The following TBX19 variants were observed in gnomAD, a reference collection of about 807,000 sequenced individuals.
The protein encoded by TBX19 is T-box transcription factor 19, also known as T-box transcription factor TBX19.
In TBX19, 33 loss-of-function variants were observed where a neutral mutation model predicts 40.9. The ratio of observed to expected loss-of-function variants is 0.81; its 90% CI spans 0.61 to 1.08. TBX19 has a LOEUF of 1.08. TBX19 is among the 50% of genes least tolerant of loss of function. TBX19 has a pLI of 0.00. For missense variants in TBX19, 494 were observed against 574.0 expected (o/e 0.86, Z 1.42); for synonymous variants, 220 against 225.0 (o/e 0.98, Z 0.20).
intron 7 of TBX19, among the ~76,000 whole-genome samples, chr1:168,310,741 TTA>T (rs1649500654): frequency 7.0e-6 from 1 of 143,348 alleles, no homozygotes; most frequent in African/African-American, 2.7e-5. Context: ...TAATATAGAC[TTA>T]TATATAAAAT....
At chr1:168,292,558 T>C (rs1648967615) in intron 2 of TBX19, among the ~76,000 whole-genome samples, 1 of 152,176 alleles carries the variant, frequency 6.6e-6, no homozygotes, top group Admixed American at 6.5e-5. Context: ...GGCAGAAAAC[T>C]GAACACTCTT....
intron 5 of TBX19, among the ~76,000 whole-genome samples, chr1:168,304,439 A>G (rs887251494): frequency 1.3e-5 from 2 of 152,150 alleles, no homozygotes; most frequent in Non-Finnish European, 2.9e-5. Context: ...AAAAACCTGA[A>G]AAGATATCTC....
At chr1:168,295,040 C>T (rs1649066887) in intron 3 of TBX19, among the ~76,000 whole-genome samples, 1 of 152,112 alleles carries the variant, frequency 6.6e-6, no homozygotes, top group African/African-American at 2.4e-5. Context: ...CGTCTCTAAT[C>T]CCAGCACTTT....
At chr1:168,283,806 A>T (rs1321737398) in intron 1 of TBX19, among the ~76,000 whole-genome samples, 1 of 152,102 alleles carries the variant, frequency 6.6e-6, no homozygotes. Flanking sequence ...TGACATTGTC[A>T]CCTTGACTTT....
intron 1 of TBX19, among the ~76,000 whole-genome samples, chr1:168,288,565 A>AGT (rs1648859501): frequency 6.6e-6 from 1 of 152,212 alleles, no homozygotes. Context: ...TCTCGCCTTA[A>AGT]GTCATTTCTT....
intron 1 of TBX19, among the ~76,000 whole-genome samples, chr1:168,281,874 T>C (rs1648661682): frequency 6.6e-6 from 1 of 152,200 alleles, no homozygotes; most frequent in Non-Finnish European, 1.5e-5. Context: ...TAATAGTGGA[T>C]GAAAACATAT....
intron 1 of TBX19, among the ~76,000 whole-genome samples, chr1:168,284,945 G>A (rs990192826): frequency 6.6e-6 from 1 of 151,878 alleles, no homozygotes; most frequent in African/African-American, 2.4e-5. Flanking sequence ...GATGATTAAG[G>A]GGTATTGGTG....
chr1:168,286,207 A>G (rs769565351), intron 1 of TBX19, among the ~76,000 whole-genome samples: 2 of 152,258 alleles, frequency 1.3e-5, no homozygotes, highest in Non-Finnish European at 2.9e-5. Flanking sequence ...AAGAGACAAG[A>G]CACTGTGACT....
intron 4 of TBX19, among the ~76,000 whole-genome samples, chr1:168,299,210 G>A (rs983983000): frequency 6.6e-6 from 1 of 151,872 alleles, no homozygotes; most frequent in African/African-American, 2.4e-5. Context: ...TTGAGCCACC[G>A]TGCCCAGACT....
At chr1:168,301,345 C>G (rs186310086) in intron 5 of TBX19, among the ~76,000 whole-genome samples, 198 of 152,224 alleles carry the variant, frequency 1.3e-3, no homozygotes, top group African/African-American at 4.5e-3. Flanking sequence ...TCACTGCAAC[C>G]TCCGCCTCCC....
At chr1:168,281,482 G>T (rs570695504) in intron 1 of TBX19, among the ~76,000 whole-genome samples, 189 bp downstream of exon 1, 2 of 152,232 alleles carry the variant, frequency 1.3e-5, no homozygotes, top group Non-Finnish European at 2.9e-5. Context: ...ATCATCAGAG[G>T]ATGAAGCCAC....
chr1:168,301,728 TA>T (rs1057245418), intron 5 of TBX19, among the ~76,000 whole-genome samples: 15 of 152,326 alleles, frequency 9.8e-5, no homozygotes, highest in Admixed American at 9.8e-4. Flanking sequence ...AGTGGATTTT[TA>T]AAGGGAAAAA....
In TBX19 at chr1:168,313,647, T is replaced by G. The variant is rs917114874; in HGVS notation, c.*645T>G. 67 of 154,170 alleles carry G rather than the reference T, an allele frequency of 4.3e-4. No homozygotes were observed. The highest frequency in any genetic ancestry group is 1.5e-3 in the African/African-American group (63 of 41,582). 9.6% of individuals were successfully genotyped at this position (154,170 alleles called of 1,614,324 possible). ...CCTCACTATAACTGGGTGTGGTAGT[T>G]TAAGCCTATAATCTCAGCCCTTTTG... is the stretch of plus-strand genomic sequence containing the variant. On this transcript the variant is annotated 3_prime_UTR_variant, in exon 8 of 8. Coordinates refer to ENST00000367821, the MANE Select transcript of TBX19 (RefSeq NM_005149.3).
chr1:168,293,912 T>A (rs911533963), intron 3 of TBX19, among the ~76,000 whole-genome samples: 8 of 152,130 alleles, frequency 5.3e-5, no homozygotes, highest in Non-Finnish European at 1.0e-4. Context: ...TTTAAAAAAA[T>A]TTTTTAAAGA....
chr1:168,308,713 A>C, intron 6 of TBX19, 29 bp from the exon 7 acceptor site: 1 of 1,614,118 alleles, frequency 6.2e-7, no homozygotes, highest in Non-Finnish European at 8.5e-7. Context: ...TACATTTGCT[A>C]TCAATTCAAC....
rs1649566657 is a variant in TBX19 at position 168,313,097 on chromosome 1, C to A, written c.*95C>A. 2 of 1,488,294 alleles carry A rather than the reference C, an allele frequency of 1.3e-6. No homozygotes were observed. Among genetic ancestry groups the A allele is most frequent in the African/African-American group, 2.8e-5 (2 of 72,424 alleles). 92.2% of individuals were successfully genotyped at this position (1,488,294 alleles called of 1,614,324 possible). On this transcript the variant is annotated 3_prime_UTR_variant, in exon 8 of 8. Transcript: ENST00000367821. ...GATCTAGTGAGTCAGACTGTGGAAT[C>A]TCCCTTCCCACTAGCTGGAGGTGGA...
At chr1:168,283,474 C>G (rs917257799) in intron 1 of TBX19, among the ~76,000 whole-genome samples, 3 of 152,034 alleles carry the variant, frequency 2.0e-5, no homozygotes, top group Admixed American at 6.5e-5. Context: ...CTGAAATTAC[C>G]CCCAACCTCT....
intron 3 of TBX19, among the ~76,000 whole-genome samples, chr1:168,293,542 C>A (rs1253650579): frequency 2.0e-5 from 3 of 152,152 alleles, no homozygotes; most frequent in Non-Finnish European, 4.4e-5. Context: ...CTCCTGAGTT[C>A]TGTTGAAACT....
chr1:168,296,296 T>A (rs1399635575), intron 3 of TBX19, among the ~76,000 whole-genome samples: 1 of 152,162 alleles, frequency 6.6e-6, no homozygotes, highest in African/African-American at 2.4e-5. Context: ...CCAGAAGGAG[T>A]TGGGCTCTGT....
Sources: allele counts gnomAD v4.1 joint callset (sites outside exome capture counted in the v4.1 genomes callset), GRCh38; gene constraint gnomAD v4.1.1; transcripts MANE v1.5; gene names NCBI Gene and HGNC (gene_info 2026-07-23, HGNC 2026-07-21).